The following ZNF385D variants were observed in gnomAD, a reference collection of about 807,000 sequenced individuals.
ZNF385D encodes the protein zinc finger protein 659.
A neutral mutation model predicts 35.8 loss-of-function variants in ZNF385D; 15 were observed. That is an observed-to-expected ratio of 0.42 (90% CI 0.28 to 0.64). The LOEUF (loss-of-function observed/expected upper bound fraction) is 0.64, where lower values mean the gene tolerates loss of function less well. Ranked by LOEUF, ZNF385D falls within the 30% of genes least tolerant of loss-of-function variation. The pLI, the probability that ZNF385D is intolerant of heterozygous loss-of-function variation, is 0.23. For synonymous variants in ZNF385D, 212 were observed against 186.8 expected (o/e 1.13, Z -1.10); for missense variants, 474 against 494.6 (o/e 0.96, Z 0.39).
chr3:21,521,579 C>A (rs1332377228), intron 3 of ZNF385D, among the ~76,000 whole-genome samples: 1 of 150,162 alleles, frequency 6.7e-6, no homozygotes, highest in Non-Finnish European at 1.5e-5. Flanking sequence ...AAAGCAAAAC[C>A]CCCAACTCTG....
intron 3 of ZNF385D, among the ~76,000 whole-genome samples, chr3:22,046,700 G>C (rs919076908): frequency 6.6e-6 from 1 of 152,046 alleles, no homozygotes; most frequent in Non-Finnish European, 1.5e-5. Flanking sequence ...CTCAAGAAAA[G>C]TTAGATTCTC....
intron 3 of ZNF385D, among the ~76,000 whole-genome samples, chr3:21,825,224 C>A (rs138129142): frequency 6.6e-6 from 1 of 152,162 alleles, no homozygotes; most frequent in African/African-American, 2.4e-5. Flanking sequence ...AAATGACAAG[C>A]ACCAAAGGGA....
chr3:21,500,803 G>C (rs1214278468), intron 4 of ZNF385D, among the ~76,000 whole-genome samples: 1 of 152,160 alleles, frequency 6.6e-6, no homozygotes, highest in East Asian at 1.9e-4. Flanking sequence ...AGAGGAAAAT[G>C]GGTCCTTGGG....
At chr3:21,477,566 C>T (rs1704336125) in intron 4 of ZNF385D, among the ~76,000 whole-genome samples, 1 of 152,128 alleles carries the variant, frequency 6.6e-6, no homozygotes, top group Admixed American at 6.6e-5. Flanking sequence ...ACCCTACTAA[C>T]TGTTAGATTT....
chr3:21,514,933 A>G (rs937701013), intron 3 of ZNF385D, among the ~76,000 whole-genome samples: 31 of 152,270 alleles, frequency 2.0e-4, no homozygotes, highest in South Asian at 1.2e-3. Context: ...ATTAAATCTA[A>G]TAAGTGTCAT....
At chr3:21,618,743 G>C (rs17029420) in intron 2 of ZNF385D, among the ~76,000 whole-genome samples, 27,908 of 152,078 alleles carry the variant, frequency 0.18, 3,154 homozygotes, top group South Asian at 0.25. Flanking sequence ...AAGAACAAAA[G>C]TCTACCCAAC....
intron 4 of ZNF385D, among the ~76,000 whole-genome samples, chr3:21,449,687 A>C (rs551593560): frequency 6.6e-6 from 1 of 152,310 alleles, no homozygotes; most frequent in African/African-American, 2.4e-5. Context: ...ATATCATGTT[A>C]TCTATAAATG....
chr3:21,423,384 A>T (rs1700833395), intron 7 of ZNF385D, among the ~76,000 whole-genome samples: 2 of 152,180 alleles, frequency 1.3e-5, no homozygotes, highest in Admixed American at 1.3e-4. Context: ...TTGAGCTCTG[A>T]GTCTCTCTGA....
At chr3:22,145,971 T>G (rs540356113) in intron 3 of ZNF385D, among the ~76,000 whole-genome samples, 1 of 152,048 alleles carries the variant, frequency 6.6e-6, no homozygotes, top group Non-Finnish European at 1.5e-5. Context: ...AGCAACAGGA[T>G]TCAAGCCAAT....
At chr3:22,154,834 T>C (rs907205894) in intron 3 of ZNF385D, among the ~76,000 whole-genome samples, 1 of 152,208 alleles carries the variant, frequency 6.6e-6, no homozygotes, top group African/African-American at 2.4e-5. Flanking sequence ...ATCTTTTAAC[T>C]ATTGGATTCC....
intron 3 of ZNF385D, among the ~76,000 whole-genome samples, chr3:22,119,331 A>C (rs757706676): frequency 1.3e-5 from 2 of 152,210 alleles, no homozygotes; most frequent in Non-Finnish European, 2.9e-5. Context: ...GTCCGAGGCC[A>C]AATCTGTAAA....
At chr3:21,858,931 G>C (rs535779078) in intron 3 of ZNF385D, among the ~76,000 whole-genome samples, 8 of 152,120 alleles carry the variant, frequency 5.3e-5, no homozygotes, top group African/African-American at 1.9e-4. Flanking sequence ...ATGCCACATG[G>C]TTCCTGTTTC....
At chr3:22,083,045 G>C (rs1700839709) in intron 3 of ZNF385D, among the ~76,000 whole-genome samples, 1 of 152,128 alleles carries the variant, frequency 6.6e-6, no homozygotes. Flanking sequence ...TCAACAAAAA[G>C]GACATTCACA....
At chr3:21,978,713 A>G (rs1292896688) in intron 3 of ZNF385D, among the ~76,000 whole-genome samples, 1 of 152,164 alleles carries the variant, frequency 6.6e-6, no homozygotes, top group African/African-American at 2.4e-5. Flanking sequence ...AAATTTAATC[A>G]AATTTACATA....
At chr3:22,258,940 G>A (rs191744192) in intron 2 of ZNF385D, among the ~76,000 whole-genome samples, 1 of 151,762 alleles carries the variant, frequency 6.6e-6, no homozygotes, top group African/African-American at 2.4e-5. Context: ...CTGAGGGCAT[G>A]TATTGGACCA....
intron 3 of ZNF385D, among the ~76,000 whole-genome samples, chr3:22,006,241 T>C (rs374013775): frequency 6.6e-6 from 1 of 152,134 alleles, no homozygotes; most frequent in Non-Finnish European, 1.5e-5. Flanking sequence ...AACTACTTAG[T>C]GTATCTGTGG....
At chr3:21,467,532 A>G (rs1703597248) in intron 4 of ZNF385D, among the ~76,000 whole-genome samples, 1 of 152,218 alleles carries the variant, frequency 6.6e-6, no homozygotes. Context: ...TGCGAATAGC[A>G]GAAAGGGGGC....
At chr3:22,131,198 A>G (rs995720498) in intron 3 of ZNF385D, among the ~76,000 whole-genome samples, 2 of 152,178 alleles carry the variant, frequency 1.3e-5, no homozygotes, top group Admixed American at 6.6e-5. Flanking sequence ...GTGGGCAATG[A>G]GGAACTAGCA....
At chr3:21,548,788 G>T (rs958018877) in intron 3 of ZNF385D, among the ~76,000 whole-genome samples, 1 of 152,148 alleles carries the variant, frequency 6.6e-6, no homozygotes, top group Non-Finnish European at 1.5e-5. Context: ...CCTAGGGCAT[G>T]TCCCCTGATA....
Sources: gnomAD v4.1 joint callset for allele counts (sites outside exome capture counted in the v4.1 genomes callset) on GRCh38, gnomAD v4.1.1 for gene constraint, MANE v1.5 for transcripts, NCBI Gene and HGNC (gene_info 2026-07-23, HGNC 2026-07-21) for gene names.